Variants in GSTT4 observed in about 807,000 individuals in gnomAD.
GSTT4 encodes the protein glutathione S-transferase theta-4.
intron 4 of GSTT4, among the ~76,000 whole-genome samples, chr22:23,998,971 G>C (rs1206723601): frequency 1.3e-5 from 2 of 152,254 alleles, no homozygotes; most frequent in African/African-American, 4.8e-5. Flanking sequence ...CAAGCCTTCT[G>C]AACCATGCTG....
downstream of GSTT4, among the ~76,000 whole-genome samples, chr22:23,994,160 A>T (rs1274944999): frequency 6.9e-6 from 1 of 145,250 alleles, no homozygotes; most frequent in Non-Finnish European, 1.5e-5. Context: ...AAAGAGCCAC[A>T]ATTTATGCTT....
downstream of GSTT4, chr22:23,998,295 C>A (rs1233787382): frequency 7.9e-6 from 1 of 126,398 alleles, no homozygotes; most frequent in African/African-American, 2.9e-5. Flanking sequence ...CCATATTTAA[C>A]CCTTTACTTT....
downstream of GSTT4, among the ~76,000 whole-genome samples, chr22:23,995,505 C>T (rs1228931027): frequency 6.6e-6 from 1 of 152,174 alleles, no homozygotes; most frequent in Non-Finnish European, 1.5e-5. Flanking sequence ...GAGTGATATT[C>T]CAACTTCATC....
intron 2 of GSTT4, among the ~76,000 whole-genome samples, chr22:24,002,087 G>C (rs2034242612): frequency 6.6e-6 from 1 of 152,300 alleles, no homozygotes; most frequent in African/African-American, 2.4e-5. Context: ...ACTGGAAGAA[G>C]GGTGGGGGTG....
At chr22:23,992,836 G>C in the GSTT4 span, among the ~76,000 whole-genome samples, 1 of 151,088 alleles carries the variant, frequency 6.6e-6, no homozygotes, top group African/African-American at 2.4e-5. Flanking sequence ...TGAGTGCAGT[G>C]GTACAAACTT....
chr22:23,999,159 A>C (rs551537417), intron 4 of GSTT4, among the ~76,000 whole-genome samples: 6 of 152,202 alleles, frequency 3.9e-5, no homozygotes, highest in Non-Finnish European at 8.8e-5. Flanking sequence ...CTAGGATGGG[A>C]GACCTGGCGG....
At position 23,998,499 on chromosome 22, in the gene GSTT4, T is replaced by C. The variant is rs945430711; in HGVS notation, c.*43A>G. The stretch of plus-strand genomic sequence containing the variant: ...TTTCCTTTAAGGAAGGTGGCTCAGA[T>C]TGCTAAGCCAGCCAGGCCCTGCGGG... On this transcript the variant is annotated 3_prime_UTR_variant, in exon 5 of 5. Transcript: ENST00000621179. 2 of 108,494 alleles carry C rather than the reference T, an allele frequency of 1.8e-5. No homozygotes were observed. The highest frequency in any genetic ancestry group is 6.7e-5 in the African/African-American group (2 of 29,914). The allele number at this position is 108,494 out of a possible 1,614,324, so 6.7% of individuals were successfully genotyped here.
downstream of GSTT4, among the ~76,000 whole-genome samples, chr22:23,995,594 CT>C (rs960403736): frequency 1.5e-3 from 221 of 152,160 alleles, no homozygotes; most frequent in Non-Finnish European, 1.8e-4. Flanking sequence ...TTCCCTTGGC[CT>C]TTTCTACATT....
chr22:23,997,376 C>G, downstream of GSTT4, among the ~76,000 whole-genome samples: 1 of 151,944 alleles, frequency 6.6e-6, no homozygotes, highest in East Asian at 1.9e-4. Context: ...ACCACCACAC[C>G]AAGCTAATTT....
At chr22:23,991,830 G>A in the GSTT4 span, among the ~76,000 whole-genome samples, 4 of 129,264 alleles carry the variant, frequency 3.1e-5, no homozygotes, top group Non-Finnish European at 3.4e-5. Flanking sequence ...CGAGGGGGGT[G>A]GATCACGAGG....
At chr22:23,989,651 C>G in the GSTT4 span, among the ~76,000 whole-genome samples, 1 of 150,942 alleles carries the variant, frequency 6.6e-6, no homozygotes, top group South Asian at 2.2e-4. Context: ...CTCATTCTTG[C>G]TGGGAATCCC....
intron 2 of GSTT4, among the ~76,000 whole-genome samples, chr22:24,002,747 C>T (rs1054968151): frequency 1.2e-5 from 1 of 84,200 alleles, no homozygotes; most frequent in Non-Finnish European, 2.7e-5. Context: ...AGGAGAATGG[C>T]GTGAACCCGG....
chr22:23,991,550 C>A, the GSTT4 span: 3 of 70,164 alleles, frequency 4.3e-5, no homozygotes, highest in Non-Finnish European at 9.0e-5. Context: ...TTGGGGGCGG[C>A]GGACAGGAAC....
At chr22:23,997,233 T>G (rs2034124869), downstream of GSTT4, among the ~76,000 whole-genome samples, 1 of 152,032 alleles carries the variant, frequency 6.6e-6, no homozygotes, top group African/African-American at 2.4e-5. Flanking sequence ...TTGTTTGTTT[T>G]TTGAGATAAG....
chr22:23,994,133 T>C (rs140289), downstream of GSTT4, among the ~76,000 whole-genome samples: 97,803 of 145,860 alleles, frequency 0.67, 28,763 homozygotes, highest in African/African-American at 0.8. Flanking sequence ...ATGTTCAAAT[T>C]TACACTTCAG....
chr22:24,000,459 C>T lies in GSTT4; in HGVS notation c.352-208G>A, dbSNP rs1013172572. Among the ~76,000 whole-genome samples, 3 of 143,878 alleles carry T rather than the reference C, an allele frequency of 2.1e-5. No homozygotes were observed. The South Asian group carries it at 6.3e-4, about 30-fold the overall frequency. The allele number at this position is 143,878 out of a possible 152,430, so 94.4% of individuals were successfully genotyped here. ...TTGGGGAGCTCAGCAGGCATAAGTC[C>T]TGTGATTGATTAGTGATGTCTGTCA... is the stretch of plus-strand genomic sequence containing the variant. On this transcript the variant is annotated intron_variant, in intron 3 of 4. Transcript: ENST00000621179.
At chr22:23,999,852 C>T (rs1186333028) in intron 4 of GSTT4, among the ~76,000 whole-genome samples, 1 of 152,026 alleles carries the variant, frequency 6.6e-6, no homozygotes, top group Non-Finnish European at 1.5e-5. Flanking sequence ...ACCGAAGAAT[C>T]TTTGTCAAGT....
At chr22:23,996,097 C>T (rs1232229516), downstream of GSTT4, among the ~76,000 whole-genome samples, 1 of 152,046 alleles carries the variant, frequency 6.6e-6, no homozygotes, top group Non-Finnish European at 1.5e-5. Flanking sequence ...GCATGCGCCA[C>T]CACGCCCGGC....
chr22:23,990,653 T>TAAATAAATAAACAAAC, the GSTT4 span, among the ~76,000 whole-genome samples: 45 of 56,800 alleles, frequency 7.9e-4, 1 homozygote, highest in African/African-American at 2.6e-3. Flanking sequence ...AATAAATAAA[T>TAAATAAATAAACAAAC]AAACAAACAA....
Sources: gnomAD v4.1 joint callset for allele counts (sites outside exome capture counted in the v4.1 genomes callset) on GRCh38, gnomAD v4.1.1 for gene constraint, MANE v1.5 for transcripts, NCBI Gene and HGNC (gene_info 2026-07-23, HGNC 2026-07-21) for gene names.